MAF: variants seen among roughly 807,000 people sequenced by gnomAD.
MAF encodes MAF bZIP transcription factor, also known as transcription factor Maf.
A neutral mutation model predicts 22.0 loss-of-function variants in MAF; 10 were observed. The observed-to-expected ratio is 0.45, with a 90% CI of 0.28 to 0.77. The LOEUF is 0.77. Ranked by LOEUF, MAF falls within the 30% of genes least tolerant of loss-of-function variation. The pLI, the probability that MAF is intolerant of heterozygous loss-of-function variation, is 0.12. For synonymous variants in MAF, 337 were observed against 255.8 expected (o/e 1.32, Z -3.03); for missense variants, 544 against 548.4 (o/e 0.99, Z 0.08).
chr16:79,577,798 T>C, the MAF span, among the ~76,000 whole-genome samples: 1 of 152,342 alleles, frequency 6.6e-6, no homozygotes, highest in East Asian at 1.9e-4. Context: ...GATTAAATAT[T>C]ATGGTGCAAT....
the MAF span, among the ~76,000 whole-genome samples, chr16:79,252,158 G>A: frequency 4.6e-5 from 7 of 152,342 alleles, no homozygotes; most frequent in Admixed American, 1.3e-4. Flanking sequence ...GTCAAGAGCC[G>A]AGTTATAAAT....
chr16:79,373,667 C>T, the MAF span, among the ~76,000 whole-genome samples: 7 of 151,874 alleles, frequency 4.6e-5, no homozygotes, highest in South Asian at 2.1e-4. Flanking sequence ...TGTGAGCCAC[C>T]GCATCCAGCC....
At chr16:79,520,260 T>A in the MAF span, among the ~76,000 whole-genome samples, 1 of 152,174 alleles carries the variant, frequency 6.6e-6, no homozygotes, top group Non-Finnish European at 1.5e-5. Context: ...GTTCGAGCCC[T>A]TCTATCCTTC....
the MAF span, among the ~76,000 whole-genome samples, chr16:79,416,812 G>A: frequency 1.3e-5 from 2 of 152,206 alleles, no homozygotes; most frequent in African/African-American, 2.4e-5. Flanking sequence ...AAGCCGCTGT[G>A]TTGTTTTTTG....
At chr16:79,456,010 T>G in the MAF span, among the ~76,000 whole-genome samples, 5 of 152,082 alleles carry the variant, frequency 3.3e-5, no homozygotes, top group African/African-American at 1.2e-4. Flanking sequence ...ACAGCAAGAC[T>G]CTCTCAAAAT....
chr16:79,350,860 G>C, the MAF span, among the ~76,000 whole-genome samples: 1 of 132,260 alleles, frequency 7.6e-6, no homozygotes, highest in African/African-American at 2.9e-5. Context: ...CTGCCTAACA[G>C]TGAGAAGTGT....
At chr16:79,378,250 G>A in the MAF span, among the ~76,000 whole-genome samples, 4 of 152,186 alleles carry the variant, frequency 2.6e-5, no homozygotes, top group Non-Finnish European at 5.9e-5. Context: ...TCCATCAAGC[G>A]TACAATGCTA....
the MAF span, among the ~76,000 whole-genome samples, chr16:79,399,602 G>A: frequency 7.9e-5 from 12 of 152,220 alleles, no homozygotes; most frequent in East Asian, 7.7e-4. Context: ...TCACTGATAC[G>A]CCCCAGCCAG....
At chr16:79,506,847 G>T in the MAF span, among the ~76,000 whole-genome samples, 1 of 152,130 alleles carries the variant, frequency 6.6e-6, no homozygotes, top group Admixed American at 6.5e-5. Flanking sequence ...GAGCCCCAAA[G>T]GCTATGATAA....
chr16:79,334,743 C>A, the MAF span, among the ~76,000 whole-genome samples: 2 of 152,046 alleles, frequency 1.3e-5, no homozygotes, highest in Non-Finnish European at 1.5e-5. Context: ...GAGGTTAGTG[C>A]ACTTTATAGG....
the MAF span, among the ~76,000 whole-genome samples, chr16:79,259,806 G>C: frequency 4.6e-5 from 7 of 152,336 alleles, no homozygotes; most frequent in African/African-American, 1.7e-4. Flanking sequence ...GCAACAGCAG[G>C]AATGGCCCAA....
chr16:79,308,175 G>T, the MAF span, among the ~76,000 whole-genome samples: 4 of 152,214 alleles, frequency 2.6e-5, no homozygotes, highest in Non-Finnish European at 5.9e-5. Flanking sequence ...AATCAATACG[G>T]ATCACTGCAG....
the MAF span, among the ~76,000 whole-genome samples, chr16:79,556,448 C>T: frequency 7.2e-5 from 11 of 152,294 alleles, no homozygotes; most frequent in Middle Eastern, 3.4e-3. Context: ...CTGCTTTTCA[C>T]GGTCCCTGGC....
the MAF span, among the ~76,000 whole-genome samples, chr16:79,211,063 A>C: frequency 2.0e-5 from 1 of 49,650 alleles, no homozygotes; most frequent in African/African-American, 5.0e-5. Context: ...GTGTGCATTA[A>C]ATGTTTTAAC....
At chr16:79,481,119 G>A in the MAF span, among the ~76,000 whole-genome samples, 1 of 152,054 alleles carries the variant, frequency 6.6e-6, no homozygotes, top group African/African-American at 2.4e-5. Context: ...GTTCCCACTG[G>A]CTGACAGCCC....
the MAF span, among the ~76,000 whole-genome samples, chr16:79,230,737 C>G: frequency 6.6e-6 from 1 of 152,184 alleles, no homozygotes; most frequent in East Asian, 1.9e-4. Context: ...AGTGTGCTTT[C>G]TGAAGCTAAC....
chr16:79,597,781 T>C (rs1231715735), intron 1 of MAF: 3 of 1,018,024 alleles, frequency 2.9e-6, no homozygotes, highest in South Asian at 9.4e-5. Flanking sequence ...AATTATACCA[T>C]ACATGTCCAG....
At chr16:79,219,625 G>A in the MAF span, among the ~76,000 whole-genome samples, 1 of 148,406 alleles carries the variant, frequency 6.7e-6, no homozygotes, top group African/African-American at 2.5e-5. Context: ...TCACCAATGA[G>A]CAAACCATTT....
chr16:79,210,298 C>T, the MAF span, among the ~76,000 whole-genome samples: 17 of 152,306 alleles, frequency 1.1e-4, no homozygotes, highest in East Asian at 3.3e-3. Context: ...CGTCGTAACA[C>T]CTTCCTTGGG....
Sources: allele counts gnomAD v4.1 joint callset (sites outside exome capture counted in the v4.1 genomes callset), GRCh38; gene constraint gnomAD v4.1.1; transcripts MANE v1.5; gene names NCBI Gene and HGNC (gene_info 2026-07-23, HGNC 2026-07-21).